Variants in CGNL1 observed in about 807,000 individuals in gnomAD.
CGNL1 encodes cingulin-like protein 1.
Under a neutral mutation model 141.2 loss-of-function variants are expected in CGNL1, and 132 were observed. The observed-to-expected ratio is 0.93, with a 90% CI of 0.81 to 1.08. CGNL1 has a LOEUF of 1.08. Among genes scored for constraint, CGNL1 ranks in the 50% least tolerant of loss-of-function variants. CGNL1 has a pLI of 0.00. For synonymous variants in CGNL1, 690 were observed against 622.1 expected (o/e 1.11, Z -1.63); for missense variants, 1,870 against 1,588.6 (o/e 1.18, Z -3.01).
chr15:57,468,633 G>A (rs942766278), intron 8 of CGNL1, among the ~76,000 whole-genome samples: 2 of 152,022 alleles, frequency 1.3e-5, no homozygotes, highest in African/African-American at 2.4e-5. Flanking sequence ...AAGGTGGGGT[G>A]GGGTGAGATT....
intron 1 of CGNL1, among the ~76,000 whole-genome samples, chr15:57,395,445 C>G (rs540419629): frequency 1.3e-5 from 2 of 152,242 alleles, no homozygotes; most frequent in Admixed American, 6.5e-5. Flanking sequence ...TAGTGATTCA[C>G]CCTTCTTGAA....
chr15:57,527,275 A>G (rs2031672176), intron 12 of CGNL1: 1 of 152,222 alleles, frequency 6.6e-6, no homozygotes, highest in Non-Finnish European at 1.5e-5. Context: ...CCTCCCAGAG[A>G]AGAACACATT....
intron 8 of CGNL1, among the ~76,000 whole-genome samples, chr15:57,482,903 A>G (rs777933138): frequency 1.7e-4 from 26 of 151,206 alleles, no homozygotes; most frequent in African/African-American, 2.7e-4. Context: ...TTCTGCCTCA[A>G]CCTCCCAAGT....
At chr15:57,413,591 C>G (rs2062817176) in intron 1 of CGNL1, among the ~76,000 whole-genome samples, 1 of 152,234 alleles carries the variant, frequency 6.6e-6, no homozygotes, top group African/African-American at 2.4e-5. Context: ...CGGCCAGCAT[C>G]TCAGTAGGGA....
At chr15:57,539,039 G>T (rs574127483) in intron 14 of CGNL1, among the ~76,000 whole-genome samples, 5 of 152,092 alleles carry the variant, frequency 3.3e-5, no homozygotes, top group Non-Finnish European at 5.9e-5. Flanking sequence ...CCCGCCCAGC[G>T]CCCAGCTTGA....
intron 1 of CGNL1, among the ~76,000 whole-genome samples, chr15:57,431,474 A>G (rs1397723871): frequency 6.6e-6 from 1 of 152,200 alleles, no homozygotes; most frequent in African/African-American, 2.4e-5. Flanking sequence ...TGAAACTAAT[A>G]TGTGTTTTGC....
chr15:57,496,331 G>A (rs1217373580), intron 8 of CGNL1, among the ~76,000 whole-genome samples: 25 of 152,214 alleles, frequency 1.6e-4, no homozygotes, highest in African/African-American at 5.8e-4. Flanking sequence ...CTACTCTAGG[G>A]GTCCCCAGCC....
chr15:57,542,147 G>T (rs1235287253), intron 14 of CGNL1, among the ~76,000 whole-genome samples: 1 of 152,178 alleles, frequency 6.6e-6, no homozygotes, highest in Non-Finnish European at 1.5e-5. Flanking sequence ...TCTCCATGGG[G>T]GACAGTGAGG....
At chr15:57,513,308 C>T (rs1025624766) in intron 8 of CGNL1, among the ~76,000 whole-genome samples, 3 of 140,276 alleles carry the variant, frequency 2.1e-5, no homozygotes. Flanking sequence ...GTGTGATTGG[C>T]TTCTTTAGGA....
Position 57,546,935 on chromosome 15 carries a change from C to G in CGNL1, c.3774-420C>G, listed in dbSNP as rs538339000. ...CTGTAAAACAGGGCCTATCAGGTCACTGGCCCCAAGGTTGGCATTAGGGTG... is the reference window on the plus strand; with the variant it reads ...CTGTAAAACAGGGCCTATCAGGTCAGTGGCCCCAAGGTTGGCATTAGGGTG... On this transcript the variant is annotated intron_variant, in intron 18 of 18. Coordinates refer to ENST00000281282, the MANE Select transcript of CGNL1 (RefSeq NM_032866.5). 1.1e-4 allele frequency among the ~76,000 whole-genome samples: 16 copies of G among 152,294 alleles called. No individual in the cohort carries two copies. In the South Asian group the frequency reaches 3.3e-3, roughly 32 times the overall value.
At chr15:57,391,699 G>C (rs960410983) in intron 1 of CGNL1, among the ~76,000 whole-genome samples, 2 of 152,204 alleles carry the variant, frequency 1.3e-5, no homozygotes, top group African/African-American at 4.8e-5. Flanking sequence ...TAAACAAGAA[G>C]TCCAAAGTCT....
chr15:57,531,363 T>G (rs1196593059), intron 13 of CGNL1, among the ~76,000 whole-genome samples: 3 of 152,232 alleles, frequency 2.0e-5, no homozygotes, highest in Non-Finnish European at 4.4e-5. Context: ...TTAAAGTTAT[T>G]GATTCACAGG....
chr15:57,507,391 G>A (rs966390198), intron 8 of CGNL1, among the ~76,000 whole-genome samples: 1 of 152,100 alleles, frequency 6.6e-6, no homozygotes, highest in Non-Finnish European at 1.5e-5. Context: ...TTTAATTACA[G>A]GCCACTCTGA....
chr15:57,457,827 A>G (rs1227509993), intron 7 of CGNL1, among the ~76,000 whole-genome samples: 3 of 152,152 alleles, frequency 2.0e-5, no homozygotes, highest in Non-Finnish European at 4.4e-5. Context: ...GCTACATACA[A>G]TTCAAGATGA....
At chr15:57,415,967 C>G (rs2062843972) in intron 1 of CGNL1, among the ~76,000 whole-genome samples, 1 of 152,182 alleles carries the variant, frequency 6.6e-6, no homozygotes, top group African/African-American at 2.4e-5. Context: ...CGTGGGATCC[C>G]TGCTCTGGGG....
At chr15:57,543,983 G>T (rs1418256178) in intron 15 of CGNL1, among the ~76,000 whole-genome samples, 3 of 152,172 alleles carry the variant, frequency 2.0e-5, no homozygotes, top group Non-Finnish European at 4.4e-5. Flanking sequence ...AGGAGGAATT[G>T]CATGTGTTAT....
chr15:57,387,787 C>A (rs1247498789), intron 1 of CGNL1, among the ~76,000 whole-genome samples: 3 of 152,214 alleles, frequency 2.0e-5, no homozygotes, highest in African/African-American at 7.2e-5. Context: ...AAATGAGGAG[C>A]TGTGGAGTGA....
intron 8 of CGNL1, among the ~76,000 whole-genome samples, chr15:57,468,691 C>A (rs946635611): frequency 2.6e-5 from 4 of 151,904 alleles, no homozygotes; most frequent in Non-Finnish European, 2.9e-5. Flanking sequence ...AATGATGTTT[C>A]TTTTATTAGG....
chr15:57,514,126 A>G (rs778280167), intron 8 of CGNL1, among the ~76,000 whole-genome samples: 1 of 151,432 alleles, frequency 6.6e-6, no homozygotes, highest in Non-Finnish European at 1.5e-5. Flanking sequence ...TGGATTTTAT[A>G]TACTGTTCGG....
Sources: allele counts gnomAD v4.1 joint callset (sites outside exome capture counted in the v4.1 genomes callset), GRCh38; gene constraint gnomAD v4.1.1; transcripts MANE v1.5; gene names NCBI Gene and HGNC (gene_info 2026-07-23, HGNC 2026-07-21).